The following KDM4C variants were observed in gnomAD, a reference collection of about 807,000 sequenced individuals.
The protein encoded by KDM4C is lysine-specific demethylase 4C.
In KDM4C, 81 loss-of-function variants were observed where a neutral mutation model predicts 129.3. The observed-to-expected ratio is 0.63, with a 90% CI of 0.52 to 0.75. KDM4C has a LOEUF of 0.75. KDM4C is among the 30% of genes least tolerant of loss of function. The pLI, the probability that KDM4C is intolerant of heterozygous loss-of-function variation, is 0.00. For missense variants in KDM4C, 1,457 were observed against 1,304.0 expected (o/e 1.12, Z -1.81); for synonymous variants, 573 against 456.1 (o/e 1.26, Z -3.26).
intron 1 of KDM4C, among the ~76,000 whole-genome samples, chr9:6,777,411 AT>A (rs1348137220): frequency 6.6e-6 from 1 of 152,246 alleles, no homozygotes. Context: ...CTGTTAAGTC[AT>A]GCAAAGAGTC....
intron 8 of KDM4C, among the ~76,000 whole-genome samples, chr9:6,914,043 C>A (rs892638792): frequency 6.6e-5 from 10 of 152,284 alleles, no homozygotes; most frequent in Admixed American, 2.6e-4. Context: ...TATTTGTTTA[C>A]AACATAGTAC....
intron 8 of KDM4C, among the ~76,000 whole-genome samples, chr9:6,976,378 C>T (rs1372539644): frequency 1.3e-5 from 2 of 152,136 alleles, no homozygotes; most frequent in South Asian, 2.1e-4. Flanking sequence ...TCTTCACTAA[C>T]ATTAGGGTTA....
chr9:6,928,539 T>G (rs79875680), intron 8 of KDM4C, among the ~76,000 whole-genome samples: 2,466 of 152,284 alleles, frequency 0.016, 21 homozygotes, highest in Middle Eastern at 0.034. Context: ...AGAGGGTAGT[T>G]CTATTATCAC....
At chr9:7,088,775 G>A (rs1169375076) in intron 17 of KDM4C, among the ~76,000 whole-genome samples, 1 of 151,998 alleles carries the variant, frequency 6.6e-6, no homozygotes, top group Non-Finnish European at 1.5e-5. Context: ...TCCACAAGCT[G>A]TCAATGGGCT....
chr9:6,942,974 T>C (rs376204963), intron 8 of KDM4C, among the ~76,000 whole-genome samples: 39 of 152,190 alleles, frequency 2.6e-4, no homozygotes, highest in East Asian at 5.8e-4. Flanking sequence ...CAAATGACCC[T>C]CCCACCTTAG....
chr9:6,931,926 A>G (rs1277463956), intron 8 of KDM4C, among the ~76,000 whole-genome samples: 1 of 152,236 alleles, frequency 6.6e-6, no homozygotes, highest in Non-Finnish European at 1.5e-5. Context: ...GTCCAGTTGA[A>G]AAGATATCCT....
chr9:6,847,398 CTT>C (rs1838027691), intron 4 of KDM4C, among the ~76,000 whole-genome samples: 1 of 151,586 alleles, frequency 6.6e-6, no homozygotes. Flanking sequence ...AGGATCTTCT[CTT>C]TTTTTGTTTT....
chr9:6,947,364 T>G (rs1827160063), intron 8 of KDM4C, among the ~76,000 whole-genome samples: 1 of 152,184 alleles, frequency 6.6e-6, no homozygotes, highest in Non-Finnish European at 1.5e-5. Flanking sequence ...TAAAATTCTT[T>G]CCTTTTTGTC....
intron 1 of KDM4C, 83 bp from the exon 2 acceptor site, chr9:6,792,888 TG>T (rs1826962657): frequency 1.4e-5 from 19 of 1,341,274 alleles, no homozygotes; most frequent in Non-Finnish European, 1.9e-5. Flanking sequence ...GGGTTCCTGC[TG>T]GGGGAGCTGA....
intron 4 of KDM4C, among the ~76,000 whole-genome samples, chr9:6,847,521 G>C (rs1209246157): frequency 6.6e-6 from 1 of 152,086 alleles, no homozygotes; most frequent in Non-Finnish European, 1.5e-5. Flanking sequence ...CTCCCGAGTG[G>C]CTGGGACTAC....
At chr9:7,004,285 C>G (rs944703643) in intron 12 of KDM4C, among the ~76,000 whole-genome samples, 4 of 152,186 alleles carry the variant, frequency 2.6e-5, no homozygotes, top group Admixed American at 1.3e-4. Flanking sequence ...AAAATCTGTT[C>G]TTAAGGCAAG....
chr9:6,896,421 G>T (rs1429705631), intron 8 of KDM4C, among the ~76,000 whole-genome samples: 2 of 151,826 alleles, frequency 1.3e-5, no homozygotes, highest in African/African-American at 4.8e-5. Context: ...AGTGCAGAGT[G>T]TGGGGTCTGC....
chr9:7,129,831 C>G (rs1398076336), intron 19 of KDM4C, among the ~76,000 whole-genome samples: 1 of 152,196 alleles, frequency 6.6e-6, no homozygotes, highest in East Asian at 1.9e-4. Context: ...AGTTCATCCT[C>G]ATAACCCTAC....
At chr9:6,767,631 T>C (rs1820906220) in intron 1 of KDM4C, among the ~76,000 whole-genome samples, 1 of 152,118 alleles carries the variant, frequency 6.6e-6, no homozygotes, top group African/African-American at 2.4e-5. Context: ...GATGGGGTTT[T>C]GCCGTTTTTA....
intron 1 of KDM4C, among the ~76,000 whole-genome samples, chr9:6,735,575 T>G (rs962959114): frequency 1.3e-5 from 2 of 152,140 alleles, no homozygotes; most frequent in African/African-American, 4.8e-5. Flanking sequence ...AAACCAGAGT[T>G]TCCCTGCACA....
At position 6,778,249 on chromosome 9, in the gene KDM4C, CT is replaced by C. The variant is rs1202291612; in HGVS notation, c.-17-14722del. On this transcript the variant is annotated intron_variant, in intron 1 of 21. Coordinates refer to ENST00000381309, the MANE Select transcript of KDM4C (RefSeq NM_015061.6). ...GGATTACAGGCACCTGCCACCACCC[CT>C]GGCTAATTTTTGTATTTTTAGTAGA... Among the ~76,000 whole-genome samples the C allele has an allele frequency of 2.6e-5, 4 of 151,850 alleles. No homozygotes were observed. The East Asian group carries it at 5.9e-4, about 22-fold the overall frequency.
At chr9:6,816,924 T>C (rs1832212665) in intron 4 of KDM4C, among the ~76,000 whole-genome samples, 1 of 152,042 alleles carries the variant, frequency 6.6e-6, no homozygotes. Flanking sequence ...TTATATATCC[T>C]GCGTATGAGG....
At chr9:6,745,278 C>T (rs542163991) in intron 1 of KDM4C, among the ~76,000 whole-genome samples, 1 of 152,076 alleles carries the variant, frequency 6.6e-6, no homozygotes, top group South Asian at 2.1e-4. Flanking sequence ...TGGGTATTTC[C>T]ATCAGTATTT....
At chr9:6,891,162 T>G (rs1444386602) in intron 7 of KDM4C, among the ~76,000 whole-genome samples, 2 of 152,034 alleles carry the variant, frequency 1.3e-5, no homozygotes, top group Non-Finnish European at 2.9e-5. Flanking sequence ...TGGTCTAGGT[T>G]AGGGATGAGG....
Sources: allele counts gnomAD v4.1 joint callset (sites outside exome capture counted in the v4.1 genomes callset), GRCh38; gene constraint gnomAD v4.1.1; transcripts MANE v1.5; gene names NCBI Gene and HGNC (gene_info 2026-07-23, HGNC 2026-07-21).